The following AUTS2 variants were observed in gnomAD, a reference collection of about 807,000 sequenced individuals.
AUTS2 encodes the protein activator of transcription and developmental regulator AUTS2.
AUTS2 carries 17 observed loss-of-function variants against 112.4 expected under a neutral mutation model. The ratio of observed to expected loss-of-function variants is 0.15; its 90% confidence interval spans 0.10 to 0.23. The LOEUF (loss-of-function observed/expected upper bound fraction) is 0.23, where lower values mean the gene tolerates loss of function less well. AUTS2 is among the 10% of genes least tolerant of loss of function. The probability of loss-of-function intolerance (pLI) is 1.00; values close to 1 mark genes in which losing one functional copy is unlikely to be tolerated. For synonymous variants in AUTS2, 751 were observed against 702.7 expected (o/e 1.07, Z -1.09); for missense variants, 1,510 against 1,701.6 (o/e 0.89, Z 1.98).
intron 5 of AUTS2, among the ~76,000 whole-genome samples, chr7:70,590,119 CATTT>C (rs1802869482): frequency 6.0e-5 from 7 of 117,190 alleles, no homozygotes; most frequent in African/African-American, 2.2e-4. Flanking sequence ...CTTGTTTTTG[CATTT>C]GTGTGTGTGT....
At chr7:69,740,523 C>T (rs986764965) in intron 1 of AUTS2, among the ~76,000 whole-genome samples, 4 of 150,190 alleles carry the variant, frequency 2.7e-5, no homozygotes, top group Non-Finnish European at 5.9e-5. Flanking sequence ...TCAGAAATGT[C>T]TTTTTTTTTT....
At chr7:69,712,898 G>A (rs900264211) in intron 1 of AUTS2, among the ~76,000 whole-genome samples, 17 of 152,236 alleles carry the variant, frequency 1.1e-4, no homozygotes, top group African/African-American at 4.1e-4. Flanking sequence ...GTTGATATTG[G>A]TAAGATTTTA....
intron 5 of AUTS2, among the ~76,000 whole-genome samples, chr7:70,677,415 A>G (rs1807971740): frequency 6.6e-6 from 1 of 152,074 alleles, no homozygotes; most frequent in South Asian, 2.1e-4. Flanking sequence ...GAAAGCCTCC[A>G]CATGCTTCTG....
At chr7:70,787,461 A>C (rs1337260406) in intron 18 of AUTS2, 30 bp downstream of exon 18, 9 of 1,503,516 alleles carry the variant, frequency 6.0e-6, no homozygotes, top group Non-Finnish European at 8.2e-6. Context: ...TCGAGTCCCC[A>C]CGGGGGAGCC....
intron 1 of AUTS2, among the ~76,000 whole-genome samples, chr7:69,720,083 G>T (rs905568184): frequency 5.9e-5 from 9 of 152,192 alleles, no homozygotes; most frequent in African/African-American, 2.2e-4. Flanking sequence ...GTAAGAAATG[G>T]CAGAGAAGAG....
chr7:70,762,788 T>G, intron 6 of AUTS2, 82 bp from the exon 7 acceptor site: 1 of 1,037,564 alleles, frequency 9.6e-7, no homozygotes, highest in South Asian at 1.4e-5. Context: ...AGTTGTGTGA[T>G]AGCCTTGGAG....
intron 4 of AUTS2, among the ~76,000 whole-genome samples, chr7:70,232,560 T>A (rs1355533706): frequency 6.6e-6 from 1 of 152,104 alleles, no homozygotes; most frequent in Non-Finnish European, 1.5e-5. Context: ...CATACCACCA[T>A]GCCCAGCTAA....
intron 2 of AUTS2, among the ~76,000 whole-genome samples, chr7:69,943,476 C>T (rs1796700554): frequency 6.6e-6 from 1 of 152,084 alleles, no homozygotes; most frequent in Admixed American, 6.6e-5. Context: ...ATATGTCATG[C>T]AGGAAATATT....
intron 1 of AUTS2, among the ~76,000 whole-genome samples, chr7:69,641,915 A>G (rs891053873): frequency 6.6e-6 from 1 of 152,214 alleles, no homozygotes; most frequent in Admixed American, 6.5e-5. Context: ...CCTTTAAAGT[A>G]TTTGTATCCA....
chr7:70,403,602 G>T (rs1794414423), intron 4 of AUTS2, among the ~76,000 whole-genome samples: 1 of 152,146 alleles, frequency 6.6e-6, no homozygotes, highest in African/African-American at 2.4e-5. Context: ...CATGGCTCCT[G>T]TCCATTCTTC....
intron 2 of AUTS2, among the ~76,000 whole-genome samples, chr7:70,032,069 G>C (rs150545226): frequency 1.3e-5 from 2 of 152,016 alleles, no homozygotes; most frequent in Non-Finnish European, 2.9e-5. Context: ...CACCAACTAA[G>C]TTCTTCTCAT....
chr7:70,519,059 T>TA (rs1012076880), intron 5 of AUTS2, among the ~76,000 whole-genome samples: 58 of 151,408 alleles, frequency 3.8e-4, no homozygotes, highest in African/African-American at 1.1e-3. Context: ...TTTTCTCCAT[T>TA]AAAAAAAAAT....
chr7:69,990,879 G>A (rs915614538), intron 2 of AUTS2, among the ~76,000 whole-genome samples: 11 of 152,138 alleles, frequency 7.2e-5, no homozygotes, highest in African/African-American at 2.2e-4. Flanking sequence ...TTCAAAAACT[G>A]TTTGGATTTT....
chr7:69,764,542 G>A (rs1289665166), intron 1 of AUTS2, among the ~76,000 whole-genome samples: 2 of 151,984 alleles, frequency 1.3e-5, no homozygotes, highest in African/African-American at 4.8e-5. Context: ...GTTGACACTT[G>A]GGTTGAAAGT....
At chr7:70,413,085 G>C (rs1182740687) in intron 4 of AUTS2, among the ~76,000 whole-genome samples, 1 of 152,220 alleles carries the variant, frequency 6.6e-6, no homozygotes, top group Non-Finnish European at 1.5e-5. Flanking sequence ...ACTGGGAGGA[G>C]AGCTGAGGAA....
At chr7:70,359,726 T>G (rs2129626137) in intron 4 of AUTS2, among the ~76,000 whole-genome samples, 1 of 152,272 alleles carries the variant, frequency 6.6e-6, no homozygotes, top group South Asian at 2.1e-4. Flanking sequence ...CTCCCAACAC[T>G]GCCACACTGG....
chr7:70,495,161 G>A lies in AUTS2; in HGVS notation c.690+59380G>A, dbSNP rs181044084. The stretch of plus-strand genomic sequence containing the variant: ...AACAAAAGTCTCTCAGTTACCCAGG[G>A]CACCTGGGAGAGAGTGAGGGAACAG... On this transcript the variant is annotated intron_variant, in intron 5 of 18. Coordinates refer to ENST00000342771, the MANE Select transcript of AUTS2 (RefSeq NM_015570.4). Among the ~76,000 whole-genome samples, 6 of 151,090 alleles carry A rather than the reference G, an allele frequency of 4.0e-5. No homozygotes were observed. The East Asian group carries it at 1.2e-3, about 30-fold the overall frequency.
At chr7:70,444,373 T>TGAGAGAGAGA (rs1554402014) in intron 5 of AUTS2, among the ~76,000 whole-genome samples, 1 of 142,512 alleles carries the variant, frequency 7.0e-6, no homozygotes, top group African/African-American at 2.7e-5. Flanking sequence ...TGTGTGTGTG[T>TGAGAGAGAGA]GAGAGAGAGA....
chr7:70,790,876 TC>T lies in AUTS2; in HGVS notation c.3665del (p.Pro1222ArgfsTer23). 6.2e-7 allele frequency: 1 copy of T among 1,601,802 alleles called. No homozygotes were observed. Among genetic ancestry groups the T allele is most frequent in the Non-Finnish European group, 8.5e-7 (1 of 1,173,902 alleles). Reference protein sequence around the residue: ...TPPTAALSAPPPLISTLGGRP... With the variant: ...TPPTAALSAPXPLISTLGGRP... Reference sequence around the variant, plus strand: ...CTCCGACAGCAGCGCTGAGCGCACCTCCCCCGCTCATCTCCACGCTGGGGGG... The same window carrying T: ...CTCCGACAGCAGCGCTGAGCGCACCTCCCCGCTCATCTCCACGCTGGGGGG... On this transcript the variant is annotated frameshift_variant, in exon 19 of 19. Coordinates refer to ENST00000342771, the MANE Select transcript of AUTS2 (RefSeq NM_015570.4). LOFTEE classifies it high-confidence loss of function. The surrounding 1 kb of genome is among the most constrained non-coding windows in gnomAD (Gnocchi z 7.6).
Sources: allele counts gnomAD v4.1 joint callset (sites outside exome capture counted in the v4.1 genomes callset), GRCh38; gene constraint gnomAD v4.1.1; non-coding constraint Gnocchi (gnomAD v3.1); transcripts MANE v1.5; gene names NCBI Gene and HGNC (gene_info 2026-07-23, HGNC 2026-07-21).